The following MYH7 variants were observed in gnomAD, a reference collection of about 807,000 sequenced individuals.
The protein encoded by MYH7 is myosin heavy chain 7.
Under a neutral mutation model 225.4 loss-of-function variants are expected in MYH7, and 129 were observed. The observed-to-expected ratio is 0.57, with a 90% CI of 0.50 to 0.66. MYH7 has a LOEUF of 0.66. Among genes scored for constraint, MYH7 ranks in the 30% least tolerant of loss-of-function variants. The pLI is 0.00. For synonymous variants in MYH7, 971 were observed against 1,007.6 expected (o/e 0.96, Z 0.69); for missense variants, 1,649 against 2,517.0 (o/e 0.66, Z 7.38).
Position 23,433,270 on chromosome 14 carries a change from T to C in MYH7, c.202-43A>G, listed in dbSNP as rs2754167. On this transcript the variant is annotated intron_variant, in intron 3 of 39. Transcript: ENST00000355349. This position sits in a 1 kb window ranked among gnomAD's most constrained non-coding sequence, Gnocchi z 4.1. ...CAAGCCCTCCTGTCAGCCTGGGCTT[T>C]CCCTCCTTCCTCAAGAGGGTTAGGA... 6.2e-7 allele frequency: 1 copy of C among 1,613,746 alleles called. No homozygotes were observed. The highest frequency in any genetic ancestry group is 1.1e-5 in the South Asian group (1 of 91,026).
In MYH7 at chr14:23,431,424, CTA is replaced by C. The variant is rs1892932325; in HGVS notation, c.788_789del (p.Ile263ArgfsTer29). The C allele has an allele frequency of 6.2e-7, 1 of 1,614,158 alleles. No individual in the cohort carries two copies. Reference sequence around the variant, plus strand: ...GCAGATTCATGGCACTCACAGGTCTCTATGTCTGCAGATGCCAACTTTCCTGT... The same window carrying C: ...GCAGATTCATGGCACTCACAGGTCTCTGTCTGCAGATGCCAACTTTCCTGT... Reference protein sequence around the residue: ...GATGKLASADIETYLLEKSRV... With the variant: ...GATGKLASADXETYLLEKSRV... On this transcript the variant is annotated frameshift_variant, in exon 9 of 40. Coordinates refer to ENST00000355349, the MANE Select transcript of MYH7 (RefSeq NM_000257.4). LOFTEE classifies it high-confidence loss of function.
Position 23,426,866 on chromosome 14 carries a change from T to A in MYH7, c.1957-2A>T. ...GGTCATCAGCTTGTTCAGATTTTCC[T>A]GTGGCCAAAAATGCAATAGAGAAAA... On this transcript the variant is annotated splice_acceptor_variant, in intron 17 of 39. Transcript: ENST00000355349. LOFTEE classifies it high-confidence loss of function. 6.2e-7 allele frequency: 1 copy of A among 1,613,670 alleles called. No individual in the cohort carries two copies. Among genetic ancestry groups the A allele is most frequent in the South Asian group, 1.1e-5 (1 of 91,058 alleles).
chr14:23,434,809 T>C (rs1295286736), intron 1 of MYH7, among the ~76,000 whole-genome samples: 1 of 152,112 alleles, frequency 6.6e-6, no homozygotes, highest in Non-Finnish European at 1.5e-5. Flanking sequence ...GAAGACACTG[T>C]GGGCTTCCTC....
At position 23,413,792 on chromosome 14, in the gene MYH7, C is replaced by G. The variant is rs1343372308; in HGVS notation, c.5757G>C (p.Lys1919Asn). Reference protein sequence around the residue: ...RADIAESQVNKLRAKSRDIGT... With the variant: ...RADIAESQVNNLRAKSRDIGT... The stretch of plus-strand genomic sequence containing the variant: ...CAATGTCACGGCTCTTGGCCCGCAG[C>G]TTGTTGACCTGGGACTCGGCGATGT... The change falls in exon 39 of 40, where the codon AAG becomes AAC. Residue 1919 changes from lysine to asparagine, a missense_variant. Around this residue, in one of 12 missense-constraint regions of MYH7, gnomAD observed 687 missense variants for 913.8 expected, o/e 0.75. Coordinates refer to ENST00000355349, the MANE Select transcript of MYH7 (RefSeq NM_000257.4). 1.9e-6 allele frequency: 3 copies of G among 1,614,124 alleles called. No individual in the cohort carries two copies. The African/African-American group carries it at 4.0e-5, about 22-fold the overall frequency.
rs199632504 is a variant in MYH7 at position 23,417,694 on chromosome 14, G to T, written c.4170-8C>A. ...CGCTGGGCCAGCTTCTTCCTGCCCA[G>T]GGGAGGGTGGCAGAGGGTGGGGAGG... On this transcript the variant is annotated splice_region_variant and splice_polypyrimidine_tract_variant and intron_variant, in intron 30 of 39. Transcript: ENST00000355349. 2.3e-5 allele frequency: 37 copies of T among 1,612,454 alleles called. No individual in the cohort carries two copies. The African/African-American group carries it at 3.9e-4, about 17-fold the overall frequency.
intron 15 of MYH7, 61 bp from the exon 16 acceptor site, chr14:23,427,955 T>A: frequency 6.2e-7 from 1 of 1,602,302 alleles, no homozygotes; most frequent in South Asian, 1.1e-5. Flanking sequence ...TGGATTCTGC[T>A]CTATGGTCAA....
At chr14:23,413,209 G>A (rs908164041) in intron 39 of MYH7, among the ~76,000 whole-genome samples, 3 of 152,190 alleles carry the variant, frequency 2.0e-5, no homozygotes, top group African/African-American at 7.2e-5. Flanking sequence ...GGGAAACTGG[G>A]ATATACTGGT....
rs45442797 is a variant in MYH7 at position 23,428,908 on chromosome 14, G to A, written c.1407+47C>T. 1,356 of 1,613,760 alleles carry A rather than the reference G, an allele frequency of 8.4e-4. 1 individual carries two copies. Among genetic ancestry groups the A allele is most frequent in the Admixed American group, 1.7e-3 (101 of 59,982 alleles). ...TCTAAGCAAATAGCTGTTGAATGTGGGAGCGAGTGAGTGATTGTTCTCCCA... is the reference window on the plus strand; with the variant it reads ...TCTAAGCAAATAGCTGTTGAATGTGAGAGCGAGTGAGTGATTGTTCTCCCA... On this transcript the variant is annotated intron_variant, in intron 14 of 39. Coordinates refer to ENST00000355349, the MANE Select transcript of MYH7 (RefSeq NM_000257.4).
Position 23,429,361 on chromosome 14 carries a change from G to T in MYH7, c.1139-14C>A, listed in dbSNP as rs397516091. 2.5e-6 allele frequency: 4 copies of T among 1,609,332 alleles called. No individual in the cohort carries two copies. Among genetic ancestry groups the T allele is most frequent in the Admixed American group, 3.3e-5 (2 of 60,014 alleles). On this transcript the variant is annotated splice_polypyrimidine_tract_variant and intron_variant, in intron 12 of 39. Transcript: ENST00000355349. ...ACTTGTCAGCCTCTGGAAGGAAAAG[G>T]CAAGTAGCAAAGTTGGTAAAGAGAT... is the stretch of plus-strand genomic sequence containing the variant.
chr14:23,432,938 G>C (rs1032992872), intron 4 of MYH7, 143 bp from the exon 5 acceptor site: 3 of 1,495,594 alleles, frequency 2.0e-6, no homozygotes, highest in Non-Finnish European at 2.8e-6. Flanking sequence ...CCAGTCCCCA[G>C]AGTGTTGGAA....
At chr14:23,431,309 T>TA in intron 9 of MYH7, 109 bp downstream of exon 9, 2 of 1,130,630 alleles carry the variant, frequency 1.8e-6, no homozygotes, top group Middle Eastern at 2.4e-4. Context: ...GACAGAGACT[T>TA]AAAGAGGAGA....
At position 23,415,971 on chromosome 14, in the gene MYH7, C is replaced by G. The variant is rs371949574; in HGVS notation, c.4953+33G>C. 5.6e-6 allele frequency: 9 copies of G among 1,613,928 alleles called. No individual in the cohort carries two copies. In the African/African-American group the frequency reaches 1.2e-4, roughly 22 times the overall value. On this transcript the variant is annotated intron_variant, in intron 34 of 39. Coordinates refer to ENST00000355349, the MANE Select transcript of MYH7 (RefSeq NM_000257.4). The surrounding 1 kb of genome is among the most constrained non-coding windows in gnomAD (Gnocchi z 6.3). ...ATCAAGACACTACTGCTTCGCCAGGCCACGTGGAGGCCAGTCCCCTCTGGG... is the reference window on the plus strand; with the variant it reads ...ATCAAGACACTACTGCTTCGCCAGGGCACGTGGAGGCCAGTCCCCTCTGGG...
At chr14:23,421,871 A>G (rs981479477) in intron 25 of MYH7, 18 of 753,890 alleles carry the variant, frequency 2.4e-5, no homozygotes, top group African/African-American at 1.7e-4. Context: ...CTCCATGTCA[A>G]GGAACTGGTC....
In MYH7 at chr14:23,423,667, G is replaced by C; in HGVS notation, c.2979C>G (p.Thr993=). The change falls in exon 24 of 40, where the codon ACC becomes ACG. Residue 993 remains threonine (T), a synonymous_variant. Coordinates refer to ENST00000355349, the MANE Select transcript of MYH7 (RefSeq NM_000257.4). The stretch of plus-strand genomic sequence containing the variant: ...CCTCTTGCAGAGCTTTCTTCTCCTT[G>C]GTCAGCTTGGCAATGATCTCATCCA... ...AGLDEIIAKL[T]KEKKALQEAH... 6.2e-7 allele frequency: 1 copy of C among 1,614,008 alleles called. No homozygotes were observed. Among genetic ancestry groups the C allele is most frequent in the Non-Finnish European group, 8.5e-7 (1 of 1,180,012 alleles).
rs780583318 is a variant in MYH7 at position 23,429,392 on chromosome 14, CT to C, written c.1139-46del. 2.6e-6 allele frequency: 4 copies of C among 1,561,582 alleles called. No individual in the cohort carries two copies. In the South Asian group the frequency reaches 4.4e-5, roughly 17 times the overall value. Reference sequence around the variant, plus strand: ...AGCAAAGTTGGTAAAGAGATGACTGCTGGCCAGGTGTGGTGGTTCATGCCTG... The same window carrying C: ...AGCAAAGTTGGTAAAGAGATGACTGCGGCCAGGTGTGGTGGTTCATGCCTG... On this transcript the variant is annotated intron_variant, in intron 12 of 39. Transcript: ENST00000355349.
rs570836429 is a variant in MYH7 at position 23,427,372 on chromosome 14, A to G, written c.1889-65T>C. ...GGAGGTAGGGTGTGAGTAAAGAATC[A>G]CAGCCCCTCTTTACATCCTTGCTGG... On this transcript the variant is annotated intron_variant, in intron 16 of 39. Transcript: ENST00000355349. 3 of 1,586,454 alleles carry G rather than the reference A, an allele frequency of 1.9e-6. No homozygotes were observed. In the African/African-American group the frequency reaches 4.0e-5, roughly 21 times the overall value.
chr14:23,424,255 A>G, intron 22 of MYH7, 106 bp from the exon 23 acceptor site: 1 of 1,445,780 alleles, frequency 6.9e-7, no homozygotes, highest in Non-Finnish European at 9.4e-7. Flanking sequence ...TAACTCTAGG[A>G]TATCCCCACT....
chr14:23,418,305 C>G lies in MYH7; in HGVS notation c.4074G>C (p.Gln1358His), dbSNP rs551493326. ...CCGAGTTGGCCTTGGAAAGGACGCG[C>G]TGCAGCTCGGCCTTGGCCTCCGTCT... ...EEETEAKAEL[Q>H]RVLSKANSEV... is the part of the protein sequence containing the mutation. Residue 1358 changes from glutamine (Q) to histidine (H), a missense_variant, in exon 30 of 40, where the codon CAG becomes CAC. Physicochemically the swap from Gln to His is conservative, Grantham distance 24. Transcript: ENST00000355349. 1 of 1,613,566 alleles carries G rather than the reference C, an allele frequency of 6.2e-7. No individual in the cohort carries two copies. The highest frequency in any genetic ancestry group is 1.7e-5 in the Admixed American group (1 of 60,012).
At chr14:23,427,005 G>A (rs761779214) in intron 17 of MYH7, 141 bp from the exon 18 acceptor site, 87 of 872,960 alleles carry the variant, frequency 1.0e-4, no homozygotes, top group Non-Finnish European at 1.4e-4. Flanking sequence ...GGGGCAGACA[G>A]GGATAAGGAG....
Sources: allele counts gnomAD v4.1 joint callset (sites outside exome capture counted in the v4.1 genomes callset), GRCh38; gene constraint gnomAD v4.1.1; regional missense constraint gnomAD v4.1.1; non-coding constraint Gnocchi (gnomAD v3.1); transcripts MANE v1.5; gene names NCBI Gene and HGNC (gene_info 2026-07-23, HGNC 2026-07-21).